Variants in KHDRBS1 observed in about 807,000 individuals in gnomAD.
KHDRBS1 encodes the protein KH domain-containing, RNA-binding, signal transduction-associated protein 1.
KHDRBS1 carries 7 observed loss-of-function variants against 48.4 expected under a neutral mutation model. That is an observed-to-expected ratio of 0.14 (90% CI 0.08 to 0.27). The LOEUF (loss-of-function observed/expected upper bound fraction) is 0.27, where lower values mean the gene tolerates loss of function less well. KHDRBS1 is among the 10% of genes least tolerant of loss of function. KHDRBS1 has a pLI of 1.00. For synonymous variants in KHDRBS1, 241 were observed against 235.8 expected (o/e 1.02, Z -0.20); for missense variants, 458 against 601.2 (o/e 0.76, Z 2.49).
intron 4 of KHDRBS1, among the ~76,000 whole-genome samples, chr1:32,036,264 C>T (rs1248487549): frequency 1.3e-5 from 2 of 150,468 alleles, no homozygotes; most frequent in Admixed American, 6.7e-5. Context: ...CTCCGCCTCC[C>T]GGGTTCTCGC....
rs34505125 is a variant in KHDRBS1, at chr1:32,017,600, C to CTTTTTTTTTTT, written c.382+3237_382+3247dup. Among the ~76,000 whole-genome samples the CTTTTTTTTTTT allele has an allele frequency of 1.2e-4, 9 of 73,818 alleles. 1 individual carries two copies. Among genetic ancestry groups the CTTTTTTTTTTT allele is most frequent in the Non-Finnish European group, 2.0e-4 (8 of 41,006 alleles). The allele number at this position is 73,818 out of a possible 152,430, so 48.4% of individuals were successfully genotyped here. ...TATAGATACCAGTGTTCTTTTTCTACTTTTTTTTTTTTTTTTTTTTTTTTG... is the reference window on the plus strand; with the variant it reads ...TATAGATACCAGTGTTCTTTTTCTACTTTTTTTTTTTTTTTTTTTTTTTTTTTTTTTTTTTG... On this transcript the variant is annotated intron_variant, in intron 1 of 8. Coordinates refer to ENST00000327300, the MANE Select transcript of KHDRBS1 (RefSeq NM_006559.3).
rs553365768 is a variant in KHDRBS1 at position 32,040,637 on chromosome 1, G to T, written c.1234+1064G>T. Among the ~76,000 whole-genome samples the T allele has an allele frequency of 1.4e-4, 21 of 152,282 alleles. No homozygotes were observed. The South Asian group carries it at 4.3e-3, about 32-fold the overall frequency. On this transcript the variant is annotated intron_variant, in intron 8 of 8. Coordinates refer to ENST00000327300, the MANE Select transcript of KHDRBS1 (RefSeq NM_006559.3). ...AGTGTGTCCTCAAGAGCCAGTTATG[G>T]CCCTGTGTTAATAGGCCTCACTGGG...
intron 4 of KHDRBS1, 123 bp downstream of exon 4, chr1:32,033,457 T>C: frequency 7.6e-7 from 1 of 1,311,244 alleles, no homozygotes; most frequent in Non-Finnish European, 1.0e-6. Flanking sequence ...ATTCTGCACT[T>C]ATGTTCATTT....
At chr1:32,015,488 C>T (rs1638722526) in intron 1 of KHDRBS1, among the ~76,000 whole-genome samples, 1 of 152,182 alleles carries the variant, frequency 6.6e-6, no homozygotes, top group African/African-American at 2.4e-5. Context: ...CCTTTGTTCT[C>T]TGTCTCCCAA....
At chr1:32,037,811 T>C (rs1258951497) in intron 5 of KHDRBS1, 24 bp from the exon 6 acceptor site, 1 of 1,606,444 alleles carries the variant, frequency 6.2e-7, no homozygotes, top group Non-Finnish European at 8.5e-7. Context: ...AAAGCTCCAT[T>C]TAAGATAAAC....
At chr1:32,028,372 C>T (rs1026639169) in intron 1 of KHDRBS1, among the ~76,000 whole-genome samples, 11 of 151,442 alleles carry the variant, frequency 7.3e-5, no homozygotes, top group African/African-American at 1.2e-4. Context: ...TGAGAACCCC[C>T]GCCTTAAAAT....
chr1:32,023,876 A>T (rs956485736), intron 1 of KHDRBS1, among the ~76,000 whole-genome samples: 1 of 152,218 alleles, frequency 6.6e-6, no homozygotes, highest in Non-Finnish European at 1.5e-5. Context: ...AAAATTTTAT[A>T]AAAGTCAGCT....
intron 10 of KHDRBS1, among the ~76,000 whole-genome samples, chr1:32,054,070 A>G (rs1441238922): frequency 3.3e-5 from 5 of 152,284 alleles, no homozygotes; most frequent in Non-Finnish European, 7.4e-5. Context: ...GCAAAACTGC[A>G]TCTCAAAAAA....
In KHDRBS1 at chr1:32,014,195, T is replaced by C; in HGVS notation, c.200T>C (p.Leu67Pro). The change falls in exon 1 of 9, where the codon CTG becomes CCG. Residue 67 changes from leucine (L) to proline (P), a missense_variant. Physicochemically the swap from Leu to Pro is moderately conservative, Grantham distance 98. This residue lies in a region of KHDRBS1 where 213 missense variants were observed against 215.6 expected (regional missense o/e 0.99). Transcript: ENST00000327300. ...ASPATQPPPL[L>P]PPSATGPDAT... ...CCCGCCACGCAGCCGCCACCGCTGC[T>C]GCCGCCCTCGGCCACGGGTCCCGAC... 7.3e-7 allele frequency: 1 copy of C among 1,376,824 alleles called. No homozygotes were observed. Among genetic ancestry groups the C allele is most frequent in the Non-Finnish European group, 9.5e-7 (1 of 1,056,106 alleles). The allele number at this position is 1,376,824 out of a possible 1,614,324, so 85.3% of individuals were successfully genotyped here. A position where few individuals can be genotyped will look rare whatever the true frequency, so the allele number is the denominator to read the frequency against.
downstream of KHDRBS1, among the ~76,000 whole-genome samples, chr1:32,046,276 G>A (rs1198999139): frequency 6.6e-6 from 1 of 151,626 alleles, no homozygotes; most frequent in African/African-American, 2.4e-5. Flanking sequence ...CTGCAGTGGC[G>A]CAATCTCAGC....
rs201854485 is a variant in KHDRBS1, at chr1:32,049,862, C to T, written n.1301+4472C>T. Among the ~76,000 whole-genome samples, 21 of 152,058 alleles carry T rather than the reference C, an allele frequency of 1.4e-4. No individual in the cohort carries two copies. The East Asian group carries it at 2.3e-3, about 17-fold the overall frequency. ...ATTTTTAGTAGAGACGGGGTTTCAC[C>T]GTGTTAGCCAGGATGGTCTCGATCT... On this transcript the variant is annotated intron_variant and non_coding_transcript_variant, in intron 10 of 10. Coordinates refer to the KHDRBS1 transcript ENST00000484270.
intron 5 of KHDRBS1, 52 bp downstream of exon 5, chr1:32,037,095 T>G: frequency 6.3e-7 from 1 of 1,587,860 alleles, no homozygotes; most frequent in Admixed American, 1.7e-5. Flanking sequence ...ACTACTAGTG[T>G]CATCTCTTTT....
intron 1 of KHDRBS1, among the ~76,000 whole-genome samples, chr1:32,022,843 T>C (rs1296199524): frequency 6.6e-6 from 1 of 151,858 alleles, no homozygotes; most frequent in Non-Finnish European, 1.5e-5. Context: ...TGAGCCAAAA[T>C]TGCGCCACTG....
At chr1:32,042,497 G>A (rs376581326) in intron 8 of KHDRBS1, 30 bp from the exon 9 acceptor site, 23 of 1,514,466 alleles carry the variant, frequency 1.5e-5, no homozygotes, top group Non-Finnish European at 1.8e-5. Context: ...TCGCCACATG[G>A]TTTATAAACT....
At chr1:32,033,804 C>T (rs1450658938) in intron 4 of KHDRBS1, among the ~76,000 whole-genome samples, 6 of 152,164 alleles carry the variant, frequency 3.9e-5, no homozygotes, top group African/African-American at 1.4e-4. Context: ...GACCTGAGCA[C>T]ACTCAGGGAT....
chr1:32,049,659 A>T (rs1427244107), intron 10 of KHDRBS1, among the ~76,000 whole-genome samples: 7 of 147,238 alleles, frequency 4.8e-5, no homozygotes, highest in East Asian at 2.0e-4. Flanking sequence ...TTATTTTTTT[A>T]TTTTTTATTT....
chr1:32,021,578 A>G (rs1344337027), intron 1 of KHDRBS1, among the ~76,000 whole-genome samples: 2 of 152,078 alleles, frequency 1.3e-5, no homozygotes, highest in African/African-American at 4.8e-5. Context: ...AAGTCATGTG[A>G]GTTGTTTAAG....
At chr1:32,057,482 T>C (rs1169161766) in intron 10 of KHDRBS1, among the ~76,000 whole-genome samples, 1 of 151,372 alleles carries the variant, frequency 6.6e-6, no homozygotes, top group African/African-American at 2.4e-5. Flanking sequence ...ACCTTCTTCT[T>C]TTCTTTTTTT....
At chr1:32,059,534 T>C (rs996246990) in intron 10 of KHDRBS1, among the ~76,000 whole-genome samples, 2 of 150,140 alleles carry the variant, frequency 1.3e-5, no homozygotes, top group Non-Finnish European at 3.0e-5. Context: ...AGCAAGACTC[T>C]TTCTTTAAAA....
Sources: allele counts gnomAD v4.1 joint callset (sites outside exome capture counted in the v4.1 genomes callset), GRCh38; gene constraint gnomAD v4.1.1; regional missense constraint gnomAD v4.1.1; transcripts MANE v1.5; gene names NCBI Gene and HGNC (gene_info 2026-07-23, HGNC 2026-07-21).